MCM10: variants seen among roughly 807,000 people sequenced by gnomAD.
MCM10 encodes protein MCM10 homolog.
Under a neutral mutation model 109.9 loss-of-function variants are expected in MCM10, and 91 were observed. The ratio of observed to expected loss-of-function variants is 0.83; its 90% CI spans 0.70 to 0.99. The LOEUF is 0.99. MCM10 is among the 50% of genes least tolerant of loss of function. The pLI is 0.00. For missense variants in MCM10, 1,077 were observed against 1,061.2 expected (o/e 1.01, Z -0.21); for synonymous variants, 380 against 387.2 (o/e 0.98, Z 0.22).
chr10:13,165,436 G>A (rs1056316395), intron 2 of MCM10, among the ~76,000 whole-genome samples: 1 of 152,084 alleles, frequency 6.6e-6, no homozygotes, highest in African/African-American at 2.4e-5. Flanking sequence ...CTTAAAATTG[G>A]CAAATTGCCT....
rs78124375 is a variant in MCM10, at chr10:13,209,785, C to A, written c.*475C>A. On this transcript the variant is annotated 3_prime_UTR_variant, in exon 20 of 20. Transcript: ENST00000378714. ...AATCAGGAAGATTGGACTAAGTGAT[C>A]CTGAAATGTATTTTTTAGCACTGGA... 807 of 157,226 alleles carry A rather than the reference C, an allele frequency of 5.1e-3. 7 individuals are homozygous for A. The highest frequency in any genetic ancestry group is 0.019 in the African/African-American group (777 of 41,568). 9.7% of individuals were successfully genotyped at this position (157,226 alleles called of 1,614,324 possible).
intron 11 of MCM10, 103 bp from the exon 12 acceptor site, chr10:13,192,152 C>T: frequency 2.9e-6 from 2 of 692,916 alleles, no homozygotes; most frequent in Admixed American, 2.8e-5. Flanking sequence ...TCTTCGTTTA[C>T]GTATGACTAA....
chr10:13,192,127 C>T, intron 11 of MCM10, 128 bp from the exon 12 acceptor site: 1 of 616,896 alleles, frequency 1.6e-6, no homozygotes, highest in Non-Finnish European at 2.9e-6. Context: ...TTTCTTTCCT[C>T]TTGGGATTCC....
At chr10:13,163,301 C>T (rs1385176435) in intron 1 of MCM10, among the ~76,000 whole-genome samples, 2 of 152,104 alleles carry the variant, frequency 1.3e-5, no homozygotes, top group African/African-American at 2.4e-5. Context: ...AGCACCACTG[C>T]ACTCCAGCCC....
At chr10:13,200,994 A>C (rs887498519) in intron 16 of MCM10, among the ~76,000 whole-genome samples, 1 of 152,020 alleles carries the variant, frequency 6.6e-6, no homozygotes, top group Non-Finnish European at 1.5e-5. Context: ...AAAATCCAAA[A>C]ATTTAGCTGG....
rs1441694447 is a variant in MCM10 at position 13,197,665 on chromosome 10, AC to A, written c.2018del (p.Thr673LysfsTer21). On this transcript the variant is annotated frameshift_variant, in exon 15 of 20. Transcript: ENST00000378714. LOFTEE classifies it high-confidence loss of function. ...TKLRAKGQVLTKTNPNSIKKK... is the reference protein window; with the variant it reads ...TKLRAKGQVLXKTNPNSIKKK... ...ATTAAGGGCAAAAGGCCAGGTTCTTACAAAAACAAACCCAAACAGCATTAAG... is the reference window on the plus strand; with the variant it reads ...ATTAAGGGCAAAAGGCCAGGTTCTTAAAAAACAAACCCAAACAGCATTAAG... 1.2e-6 allele frequency: 2 copies of A among 1,613,978 alleles called. No homozygotes were observed. Among genetic ancestry groups the A allele is most frequent in the African/African-American group, 1.3e-5 (1 of 74,936 alleles).
intron 16 of MCM10, among the ~76,000 whole-genome samples, chr10:13,199,386 G>A (rs1350356087): frequency 6.6e-6 from 1 of 151,998 alleles, no homozygotes; most frequent in Non-Finnish European, 1.5e-5. Context: ...ATTTGGTTAT[G>A]GCTGTGAAAT....
intron 2 of MCM10, among the ~76,000 whole-genome samples, chr10:13,164,796 C>A (rs190624187): frequency 6.6e-6 from 1 of 152,172 alleles, no homozygotes; most frequent in East Asian, 1.9e-4. Flanking sequence ...CAGTGGCTCA[C>A]GCCTGTGATC....
chr10:13,203,600 T>A (rs989009719), intron 17 of MCM10, among the ~76,000 whole-genome samples: 1 of 152,318 alleles, frequency 6.6e-6, no homozygotes, highest in South Asian at 2.1e-4. Flanking sequence ...TGTCGAGTTA[T>A]TGATCAAGCT....
Position 13,197,413 on chromosome 10 carries a change from A to T in MCM10, c.1975-210A>T, listed in dbSNP as rs560478104. 4.2e-4 allele frequency among the ~76,000 whole-genome samples: 64 copies of T among 152,280 alleles called. 1 individual carries two copies. Among genetic ancestry groups the T allele is most frequent in the African/African-American group, 1.5e-3 (61 of 41,556 alleles). ...ACTTGTTATATTTAAATAAACTAAG[A>T]TTTTATTCATCAACATATAGACCTG... On this transcript the variant is annotated intron_variant, in intron 14 of 19. Coordinates refer to ENST00000378714, the MANE Select transcript of MCM10 (RefSeq NM_018518.5).
At chr10:13,174,352 A>C (rs547937788) in intron 5 of MCM10, among the ~76,000 whole-genome samples, 2 of 151,570 alleles carry the variant, frequency 1.3e-5, no homozygotes, top group South Asian at 2.1e-4. Flanking sequence ...CTGATCTTGA[A>C]CTCTTGACCT....
intron 2 of MCM10, among the ~76,000 whole-genome samples, chr10:13,166,284 C>G (rs11258227): frequency 6.6e-6 from 1 of 151,818 alleles, no homozygotes; most frequent in African/African-American, 2.4e-5. Context: ...AGAGAAGATA[C>G]GTTCAGAGTT....
chr10:13,180,422 T>A lies in MCM10; in HGVS notation c.765-20T>A. ...TCTTTATTAGAATCATAATTACTAA[T>A]CGCTGGTTTCTTAACCCAGGCGGCC... is the stretch of plus-strand genomic sequence containing the variant. On this transcript the variant is annotated intron_variant, in intron 6 of 19. Transcript: ENST00000378714. 1.2e-6 allele frequency: 2 copies of A among 1,601,154 alleles called. No homozygotes were observed. The highest frequency in any genetic ancestry group is 8.5e-7 in the Non-Finnish European group (1 of 1,174,444).
intron 3 of MCM10, among the ~76,000 whole-genome samples, chr10:13,171,714 G>A (rs1475773713): frequency 6.6e-6 from 1 of 151,922 alleles, no homozygotes; most frequent in Non-Finnish European, 1.5e-5. Flanking sequence ...TTCTAATACA[G>A]AAGCCAGCAT....
Position 13,172,686 on chromosome 10 carries a change from A to G in MCM10, c.513A>G (p.Thr171=). Residue 171 remains threonine, a synonymous_variant, in exon 5 of 20, where the codon ACA becomes ACG. Transcript: ENST00000378714. This position sits in a 1 kb window ranked among gnomAD's most constrained non-coding sequence, Gnocchi z 5.2. ...GAGTTCAGAGAATTCAGGAGTCAAC[A>G]TGCTTTTCTGCGGAGCTTGATGTCC... is the stretch of plus-strand genomic sequence containing the variant. ...ERRVQRIQES[T]CFSAELDVPA... 1 of 1,614,140 alleles carries G rather than the reference A, an allele frequency of 6.2e-7. No homozygotes were observed. The highest frequency in any genetic ancestry group is 1.3e-5 in the African/African-American group (1 of 75,032).
Position 13,204,990 on chromosome 10 carries a change from GTATGTATGTATGTATATATATA to G in MCM10, c.2498+630_2498+651del, listed in dbSNP as rs1379344072. 5.7e-3 allele frequency among the ~76,000 whole-genome samples: 673 copies of G among 118,634 alleles called. 8 individuals are homozygous for G. Among genetic ancestry groups the G allele is most frequent in the East Asian group, 0.014 (63 of 4,430 alleles). 77.8% of individuals were successfully genotyped at this position (118,634 alleles called of 152,430 possible). Reference sequence around the variant, plus strand: ...ATTTTTTATTGTGCTTCTCATGTATGTATGTATGTATGTATATATATATATATATATATATATATATATATAT... The same window carrying G: ...ATTTTTTATTGTGCTTCTCATGTATGTATATATATATATATATATATATAT... On this transcript the variant is annotated intron_variant, in intron 18 of 19. Coordinates refer to ENST00000378714, the MANE Select transcript of MCM10 (RefSeq NM_018518.5).
intron 18 of MCM10, among the ~76,000 whole-genome samples, chr10:13,207,652 G>A (rs12775456): frequency 0.12 from 18,743 of 152,178 alleles, 1,452 homozygotes; most frequent in Middle Eastern, 0.21. Context: ...TAAGTCTCAT[G>A]AGATCTGATG....
intron 18 of MCM10, among the ~76,000 whole-genome samples, chr10:13,205,611 A>G (rs12414174): frequency 0.53 from 81,116 of 152,060 alleles, 23,846 homozygotes; most frequent in Non-Finnish European, 0.66. Flanking sequence ...TATGTTTTCT[A>G]TATGAGGTTG....
At position 13,204,101 on chromosome 10, in the gene MCM10, G is replaced by T; in HGVS notation, c.2353-118G>T. ...CGAAGGTGGCCCAGTCCCCTAGCAA[G>T]GGCCCAGGTAGTGATGAGAGACCAG... On this transcript the variant is annotated intron_variant, in intron 17 of 19. Transcript: ENST00000378714. 2.4e-6 allele frequency: 3 copies of T among 1,250,536 alleles called. 1 individual carries two copies. Among genetic ancestry groups the T allele is most frequent in the Middle Eastern group, 5.8e-4 (2 of 3,454 alleles). 77.5% of individuals were successfully genotyped at this position (1,250,536 alleles called of 1,614,324 possible).
Sources: allele counts gnomAD v4.1 joint callset (sites outside exome capture counted in the v4.1 genomes callset), GRCh38; gene constraint gnomAD v4.1.1; non-coding constraint Gnocchi (gnomAD v3.1); transcripts MANE v1.5; gene names NCBI Gene and HGNC (gene_info 2026-07-23, HGNC 2026-07-21).